Variants in CREBRF observed in about 807,000 individuals in gnomAD.
The protein encoded by CREBRF is CREB3 regulatory factor.
CREBRF carries 5 observed loss-of-function variants against 66.1 expected under a neutral mutation model. That is an observed-to-expected ratio of 0.08 (90% CI 0.04 to 0.16). CREBRF has a LOEUF of 0.16. CREBRF is among the 10% of genes least tolerant of loss of function. The pLI is 1.00. For missense variants in CREBRF, 531 were observed against 744.9 expected (o/e 0.71, Z 3.34); for synonymous variants, 229 against 264.4 (o/e 0.87, Z 1.30).
intron 1 of CREBRF, among the ~76,000 whole-genome samples, chr5:173,072,398 C>T (rs868262768): frequency 6.6e-6 from 1 of 152,114 alleles, no homozygotes; most frequent in African/African-American, 2.4e-5. Flanking sequence ...GCCTCAGCCT[C>T]CTGAGTAGCT....
chr5:173,069,803 G>T (rs1474425452), intron 1 of CREBRF, among the ~76,000 whole-genome samples: 1 of 152,060 alleles, frequency 6.6e-6, no homozygotes. Context: ...GTTTATGCTG[G>T]TGGTATAGCC....
In CREBRF at chr5:173,090,424, G is replaced by T. The variant is rs778725931; in HGVS notation, c.245G>T (p.Gly82Val). ...TTCACAGATGTCCTGGATAATGAGG[G>T]TGCTTTAACCTCAAACTGGGAACAG... ...ESFTDVLDNE[G>V]ALTSNWEQWD... The change falls in exon 4 of 9, where the codon GGT becomes GTT. Residue 82 changes from glycine (G) to valine (V), a missense_variant. Gly to Val is a moderately radical substitution (Grantham distance 109). Transcript: ENST00000296953. The surrounding 1 kb of genome is among the most constrained non-coding windows in gnomAD (Gnocchi z 4.5). The T allele has an allele frequency of 6.2e-7, 1 of 1,614,036 alleles. No individual in the cohort carries two copies. The highest frequency in any genetic ancestry group is 8.5e-7 in the Non-Finnish European group (1 of 1,179,924).
At chr5:173,107,870 T>A (rs1474936862) in intron 4 of CREBRF, among the ~76,000 whole-genome samples, 1 of 150,766 alleles carries the variant, frequency 6.6e-6, no homozygotes, top group Admixed American at 6.6e-5. Context: ...CTCATTCTGT[T>A]GCCCAGGCTG....
chr5:173,072,432 C>T (rs1219754775), intron 1 of CREBRF, among the ~76,000 whole-genome samples: 1 of 152,068 alleles, frequency 6.6e-6, no homozygotes, highest in African/African-American at 2.4e-5. Flanking sequence ...CTGGCCACCA[C>T]GCCCGGCTAA....
In CREBRF at chr5:173,134,438, G is replaced by T; in HGVS notation, c.*693G>T. 1 of 270,778 alleles carries T rather than the reference G, an allele frequency of 3.7e-6. No individual in the cohort carries two copies. The highest frequency in any genetic ancestry group is 1.3e-4 in the East Asian group (1 of 7,718). The allele number at this position is 270,778 out of a possible 1,614,324, so 16.8% of individuals were successfully genotyped here. ...CAAGATATATAGATGGAAAAATTAT[G>T]GGGTTTAAATGTTTTTTTGTTCCAA... On this transcript the variant is annotated 3_prime_UTR_variant, in exon 9 of 9. Coordinates refer to ENST00000296953, the MANE Select transcript of CREBRF (RefSeq NM_153607.3).
chr5:173,061,174 G>T (rs905960954), intron 1 of CREBRF, among the ~76,000 whole-genome samples: 8 of 152,110 alleles, frequency 5.3e-5, no homozygotes, highest in African/African-American at 1.9e-4. Flanking sequence ...CACTGTGTTG[G>T]CCAGGCTGGT....
At chr5:173,078,151 C>T (rs915067403) in intron 1 of CREBRF, among the ~76,000 whole-genome samples, 1 of 152,204 alleles carries the variant, frequency 6.6e-6, no homozygotes. Context: ...CCGTTTCCCA[C>T]ACCAGCTGCA....
intron 1 of CREBRF, among the ~76,000 whole-genome samples, chr5:173,078,567 T>TG (rs1327860342): frequency 6.6e-6 from 1 of 151,042 alleles, no homozygotes; most frequent in African/African-American, 2.4e-5. Flanking sequence ...CTTTTTCTTT[T>TG]TTTTTTTTTG....
chr5:173,115,645 G>A (rs1450726573), intron 7 of CREBRF, among the ~76,000 whole-genome samples: 1 of 148,512 alleles, frequency 6.7e-6, no homozygotes, highest in Non-Finnish European at 1.5e-5. Flanking sequence ...GTTTTGCTTT[G>A]TTTTTTTTTT....
chr5:173,115,947 C>T (rs184527104), intron 7 of CREBRF, among the ~76,000 whole-genome samples: 84 of 152,322 alleles, frequency 5.5e-4, no homozygotes, highest in African/African-American at 1.9e-3. Context: ...TCACTTTCCT[C>T]TTCAACTGCA....
At chr5:173,078,685 A>G (rs1168563693) in intron 1 of CREBRF, among the ~76,000 whole-genome samples, 1 of 151,488 alleles carries the variant, frequency 6.6e-6, no homozygotes, top group African/African-American at 2.4e-5. Flanking sequence ...CAGCCTCCCA[A>G]AGTGCTGGTG....
Position 173,085,520 on chromosome 5 carries a change from G to A in CREBRF, c.10-981G>A, listed in dbSNP as rs183558157. 54 of 536,978 alleles carry A rather than the reference G, an allele frequency of 1.0e-4. No homozygotes were observed. In the Admixed American group the frequency reaches 1.3e-3, roughly 12 times the overall value. The allele number at this position is 536,978 out of a possible 1,614,324, so 33.3% of individuals were successfully genotyped here. On this transcript the variant is annotated intron_variant, in intron 2 of 8. Coordinates refer to ENST00000296953, the MANE Select transcript of CREBRF (RefSeq NM_153607.3). ...CAACCTTCGCCTCCCAGGTTCAAGC[G>A]ATTCTCCTACCTCAGCCTCCTGAGT...
intron 8 of CREBRF, among the ~76,000 whole-genome samples, chr5:173,132,085 C>CTTTTTTTTTTTTTTTTTT (rs34701764): frequency 8.0e-6 from 1 of 124,554 alleles, no homozygotes. Context: ...AAATATATTT[C>CTTTTTTTTTTTTTTTTTT]TTTTTTTTTT....
intron 4 of CREBRF, among the ~76,000 whole-genome samples, chr5:173,094,744 G>A (rs573737592): frequency 5.3e-5 from 8 of 152,094 alleles, no homozygotes; most frequent in Non-Finnish European, 1.2e-4. Flanking sequence ...CCTTCACTCT[G>A]TTAATTGTTT....
chr5:173,076,947 CT>C (rs779671869), intron 1 of CREBRF, among the ~76,000 whole-genome samples: 318 of 140,710 alleles, frequency 2.3e-3, no homozygotes, highest in Middle Eastern at 3.7e-3. Context: ...AATTTATTGG[CT>C]TTTTTTTTTT....
intron 7 of CREBRF, among the ~76,000 whole-genome samples, chr5:173,119,483 T>G (rs566286253): frequency 6.6e-6 from 1 of 152,216 alleles, no homozygotes; most frequent in African/African-American, 2.4e-5. Context: ...TTCTTTGGTA[T>G]TAATATATAA....
At chr5:173,116,286 C>T (rs945113763) in intron 7 of CREBRF, among the ~76,000 whole-genome samples, 5 of 152,122 alleles carry the variant, frequency 3.3e-5, no homozygotes, top group Non-Finnish European at 7.4e-5. Flanking sequence ...GAGTATAATT[C>T]GATTGGTTTA....
chr5:173,124,172 A>G (rs1759206186), intron 8 of CREBRF: 1 of 152,170 alleles, frequency 6.6e-6, no homozygotes, highest in Admixed American at 6.6e-5. Context: ...AGTCAGTTTT[A>G]CCAGGTATAA....
chr5:173,104,665 G>A (rs889308014), intron 4 of CREBRF, among the ~76,000 whole-genome samples: 3 of 151,952 alleles, frequency 2.0e-5, no homozygotes, highest in African/African-American at 7.3e-5. Context: ...GGGTGACAGA[G>A]CAAGTCACAG....
Sources: gnomAD v4.1 joint callset for allele counts (sites outside exome capture counted in the v4.1 genomes callset) on GRCh38, gnomAD v4.1.1 for gene constraint, Gnocchi (gnomAD v3.1) non-coding constraint, MANE v1.5 for transcripts, NCBI Gene and HGNC (gene_info 2026-07-23, HGNC 2026-07-21) for gene names.